MYZAP: variants seen among roughly 807,000 people sequenced by gnomAD.
MYZAP encodes the protein GRINL1A complex locus upstream.
Under a neutral mutation model 69.4 loss-of-function variants are expected in MYZAP, and 66 were observed. The observed-to-expected ratio is 0.95, with a 90% CI of 0.78 to 1.17. MYZAP has a LOEUF of 1.17. MYZAP is among the 50% of genes most tolerant of loss of function. The probability of loss-of-function intolerance (pLI) is 0.00; values close to 1 mark genes in which losing one functional copy is unlikely to be tolerated. For synonymous variants in MYZAP, 256 were observed against 205.9 expected (o/e 1.24, Z -2.09); for missense variants, 611 against 556.2 (o/e 1.10, Z -0.99).
At chr15:57,658,033 G>A (rs1350516592) in intron 10 of MYZAP, among the ~76,000 whole-genome samples, 1 of 152,088 alleles carries the variant, frequency 6.6e-6, no homozygotes, top group Non-Finnish European at 1.5e-5. Flanking sequence ...GGGTGTTTCT[G>A]TTCTATTTTG....
intron 9 of MYZAP, 39 bp from the exon 10 acceptor site, chr15:57,639,401 G>T: frequency 6.2e-7 from 1 of 1,608,432 alleles, no homozygotes; most frequent in Non-Finnish European, 8.5e-7. Context: ...TGCTGCTTTG[G>T]TTTAGGACTC....
chr15:57,661,709 C>T (rs1386761341), intron 11 of MYZAP, among the ~76,000 whole-genome samples, 176 bp downstream of exon 11: 7 of 152,064 alleles, frequency 4.6e-5, no homozygotes, highest in Non-Finnish European at 7.4e-5. Flanking sequence ...CCTTTACCAT[C>T]GGACTCCCCT....
chr15:57,611,435 T>C (rs1218068742), intron 2 of MYZAP, among the ~76,000 whole-genome samples: 1 of 152,208 alleles, frequency 6.6e-6, no homozygotes, highest in Non-Finnish European at 1.5e-5. Context: ...TCCTGATTTT[T>C]TTTTCTCCCG....
chr15:57,606,585 G>A (rs1489941093), intron 2 of MYZAP, among the ~76,000 whole-genome samples: 4 of 146,734 alleles, frequency 2.7e-5, no homozygotes, highest in African/African-American at 7.5e-5. Flanking sequence ...TTGTGGGATG[G>A]GGGGAGGGGG....
intron 11 of MYZAP, among the ~76,000 whole-genome samples, chr15:57,664,409 A>T (rs1455002996): frequency 6.6e-6 from 1 of 152,212 alleles, no homozygotes; most frequent in Non-Finnish European, 1.5e-5. Context: ...ATCAGAGGTG[A>T]CATTCAAATA....
At chr15:57,656,299 T>G (rs1217523321) in intron 10 of MYZAP, among the ~76,000 whole-genome samples, 1 of 152,192 alleles carries the variant, frequency 6.6e-6, no homozygotes, top group African/African-American at 2.4e-5. Flanking sequence ...TGTTGATTCA[T>G]TCATTTGTTA....
At chr15:57,630,248 G>T (rs1030818798) in intron 6 of MYZAP, among the ~76,000 whole-genome samples, 8 of 152,310 alleles carry the variant, frequency 5.3e-5, no homozygotes, top group Non-Finnish European at 1.2e-4. Context: ...GATGACAGGC[G>T]TGAGCCACCG....
intron 10 of MYZAP, chr15:57,647,841 C>T: frequency 3.0e-6 from 3 of 985,388 alleles, no homozygotes; most frequent in Non-Finnish European, 3.6e-6. Context: ...TTTGCTGATG[C>T]CCCTCAATTC....
intron 10 of MYZAP, among the ~76,000 whole-genome samples, chr15:57,645,596 A>G (rs2037401418): frequency 1.3e-5 from 2 of 152,260 alleles, no homozygotes; most frequent in Admixed American, 1.3e-4. Flanking sequence ...AATGCACAGC[A>G]TGTTAATTGG....
intron 11 of MYZAP, among the ~76,000 whole-genome samples, chr15:57,667,428 G>A (rs143315807): frequency 6.6e-6 from 1 of 152,100 alleles, no homozygotes; most frequent in Non-Finnish European, 1.5e-5. Flanking sequence ...GTTGGTATTC[G>A]TTACACATAT....
intron 4 of MYZAP, among the ~76,000 whole-genome samples, chr15:57,622,122 C>G (rs1263043072): frequency 1.3e-5 from 2 of 152,096 alleles, no homozygotes; most frequent in Non-Finnish European, 2.9e-5. Flanking sequence ...AAAACTACTA[C>G]AAACAAGTAA....
intron 2 of MYZAP, among the ~76,000 whole-genome samples, chr15:57,617,195 T>C (rs1799116171): frequency 1.3e-5 from 2 of 152,120 alleles, no homozygotes; most frequent in East Asian, 3.9e-4. Context: ...GAACTTCAGT[T>C]TTCTCAGCTA....
chr15:57,682,130 C>G (rs1276013450), intron 12 of MYZAP, among the ~76,000 whole-genome samples: 1 of 152,216 alleles, frequency 6.6e-6, no homozygotes, highest in Non-Finnish European at 1.5e-5. Flanking sequence ...ATAGGTTTCA[C>G]TCCACACAGT....
intron 2 of MYZAP, among the ~76,000 whole-genome samples, chr15:57,614,640 G>GC (rs1247852049): frequency 1.3e-5 from 2 of 152,158 alleles, no homozygotes; most frequent in African/African-American, 4.8e-5. Context: ...AGTGGAAAGA[G>GC]CCCCCCATCC....
At chr15:57,608,955 C>G (rs2034933140) in intron 2 of MYZAP, among the ~76,000 whole-genome samples, 1 of 152,194 alleles carries the variant, frequency 6.6e-6, no homozygotes, top group African/African-American at 2.4e-5. Flanking sequence ...CACTTCCTTT[C>G]TGATAACTTC....
chr15:57,682,797 C>T (rs1293412326), intron 12 of MYZAP, among the ~76,000 whole-genome samples: 1 of 152,170 alleles, frequency 6.6e-6, no homozygotes, highest in Admixed American at 6.5e-5. Context: ...ACTGTGTGCT[C>T]ACCCATCTCT....
chr15:57,651,174 T>C (rs1334752224), intron 10 of MYZAP, among the ~76,000 whole-genome samples: 2 of 152,178 alleles, frequency 1.3e-5, no homozygotes, highest in African/African-American at 4.8e-5. Context: ...ACTTGAACTT[T>C]AGGAAGCGCT....
intron 1 of MYZAP, among the ~76,000 whole-genome samples, 181 bp downstream of exon 1, chr15:57,592,290 G>C (rs1342159119): frequency 6.6e-6 from 1 of 152,136 alleles, no homozygotes; most frequent in African/African-American, 2.4e-5. Context: ...GGTTTCAGGG[G>C]GCCCACCAGC....
chr15:57,612,958 G>A (rs532876088), intron 2 of MYZAP, among the ~76,000 whole-genome samples: 1 of 151,870 alleles, frequency 6.6e-6, no homozygotes, highest in African/African-American at 2.4e-5. Flanking sequence ...CCGAGACGGA[G>A]TCTCGCTCTG....
Sources: allele counts gnomAD v4.1 joint callset (sites outside exome capture counted in the v4.1 genomes callset), GRCh38; gene constraint gnomAD v4.1.1; transcripts MANE v1.5; gene names NCBI Gene and HGNC (gene_info 2026-07-23, HGNC 2026-07-21).